Variants in FANCB observed in about 807,000 individuals in gnomAD.
The protein encoded by FANCB is FA complementation group B.
Under a neutral mutation model 38.9 loss-of-function variants are expected in FANCB, and 5 were observed. The ratio of observed to expected loss-of-function variants is 0.13; its 90% CI spans 0.07 to 0.27. FANCB has a LOEUF of 0.27. Ranked by LOEUF, FANCB falls within the 10% of genes least tolerant of loss-of-function variation. The pLI is 1.00. For missense variants in FANCB, 573 were observed against 602.7 expected, an observed-to-expected ratio of 0.95 and a Z score of 0.52; for synonymous variants, 236 against 215.4, an observed-to-expected ratio of 1.10 and a Z score of -0.84.
chrX:14,832,652 G>A (rs1438771989), downstream of FANCB, among the ~76,000 whole-genome samples: 3 of 112,042 alleles, frequency 2.7e-5, no homozygotes, highest in Non-Finnish European at 3.8e-5. Context: ...GTGAATGAAT[G>A]TGGGGCAGTA....
the FANCB span, among the ~76,000 whole-genome samples, chrX:14,744,557 AGAAT>A: frequency 8.9e-6 from 1 of 111,863 alleles, no homozygotes; most frequent in East Asian, 2.8e-4. Flanking sequence ...TTTAAAAGAG[AGAAT>A]GGCTGTAGGA....
the FANCB span, among the ~76,000 whole-genome samples, chrX:14,707,010 G>A: frequency 9.6e-6 from 1 of 104,648 alleles, no homozygotes; most frequent in African/African-American, 3.4e-5. Context: ...CTGTCTTTTA[G>A]GGCAGATTGA....
the FANCB span, among the ~76,000 whole-genome samples, chrX:14,819,286 G>A: frequency 1.8e-5 from 2 of 111,474 alleles, no homozygotes; most frequent in African/African-American, 6.5e-5. Flanking sequence ...ACAAAACAGA[G>A]CCACTCTATA....
At chrX:14,833,096 T>G (rs1018030518), downstream of FANCB, among the ~76,000 whole-genome samples, 1 of 112,310 alleles carries the variant, frequency 8.9e-6, no homozygotes, top group Admixed American at 9.4e-5. Context: ...ACCTAAATGG[T>G]AAAATGTAAA....
At chrX:14,795,179 G>A in the FANCB span, among the ~76,000 whole-genome samples, 3 of 112,020 alleles carry the variant, frequency 2.7e-5, no homozygotes, top group African/African-American at 9.7e-5. Flanking sequence ...TAGTACATTT[G>A]TTTGATCCTT....
the FANCB span, among the ~76,000 whole-genome samples, chrX:14,784,495 G>A: frequency 1.2e-3 from 133 of 111,874 alleles, no homozygotes; most frequent in Non-Finnish European, 2.2e-3. Flanking sequence ...TGAATTTCCT[G>A]CCTCCTTCTT....
the FANCB span, among the ~76,000 whole-genome samples, chrX:14,780,467 ACTAT>A: frequency 4.2e-4 from 47 of 111,296 alleles, 2 homozygotes; most frequent in African/African-American, 1.4e-3. Flanking sequence ...TTTTTAAATG[ACTAT>A]CTAAAACATT....
chrX:14,810,431 G>A, the FANCB span, among the ~76,000 whole-genome samples: 2 of 111,840 alleles, frequency 1.8e-5, no homozygotes, highest in Middle Eastern at 4.7e-3. Context: ...AAATTTAGAC[G>A]AATGTATAGC....
the FANCB span, among the ~76,000 whole-genome samples, chrX:14,770,982 G>A: frequency 1.8e-5 from 2 of 111,821 alleles, no homozygotes. Flanking sequence ...CTGGCTTGTA[G>A]GGTTTCTGCT....
At chrX:14,745,951 T>A in the FANCB span, among the ~76,000 whole-genome samples, 2 of 109,773 alleles carry the variant, frequency 1.8e-5, no homozygotes, top group Non-Finnish European at 3.8e-5. Flanking sequence ...CTGCCCACCT[T>A]GGCCTCCCAA....
chrX:14,691,322 T>C, the FANCB span, among the ~76,000 whole-genome samples: 26,012 of 81,749 alleles, frequency 0.32, 2,585 homozygotes, highest in Non-Finnish European at 0.35. Flanking sequence ...TGTGTGTGTG[T>C]GTGCGCGCGT....
chrX:14,772,647 A>T, the FANCB span, among the ~76,000 whole-genome samples: 1 of 111,743 alleles, frequency 8.9e-6, no homozygotes, highest in East Asian at 2.8e-4. Context: ...GGCTCCCTGG[A>T]TTCAGTCCCC....
chrX:14,739,731 G>A, the FANCB span, among the ~76,000 whole-genome samples: 1 of 111,609 alleles, frequency 9.0e-6, no homozygotes, highest in Non-Finnish European at 1.9e-5. Context: ...GGAAAATGAC[G>A]TTTGCTTTGT....
the FANCB span, among the ~76,000 whole-genome samples, chrX:14,754,605 TCA>T: frequency 9.0e-6 from 1 of 110,809 alleles, no homozygotes; most frequent in Non-Finnish European, 1.9e-5. Flanking sequence ...ATGGGCAATA[TCA>T]CACACACACA....
At chrX:14,832,031 C>T (rs747462411), downstream of FANCB, among the ~76,000 whole-genome samples, 8 of 111,660 alleles carry the variant, frequency 7.2e-5, no homozygotes, top group East Asian at 2.0e-3. Context: ...AATGACCTAC[C>T]CTCCTTCTTC....
At chrX:14,792,296 G>A in the FANCB span, among the ~76,000 whole-genome samples, 1 of 110,896 alleles carries the variant, frequency 9.0e-6, no homozygotes, top group Non-Finnish European at 1.9e-5. Context: ...TTTTCAAGAT[G>A]CTGAATAAAT....
intron 2 of FANCB, among the ~76,000 whole-genome samples, chrX:14,868,319 A>T (rs1453539368): frequency 1.8e-5 from 2 of 111,862 alleles, no homozygotes; most frequent in Admixed American, 1.9e-4. Flanking sequence ...TCCAACAATG[A>T]ATCAATGGAT....
At chrX:14,841,434 T>C (rs1425754811), downstream of FANCB, among the ~76,000 whole-genome samples, 1 of 112,336 alleles carries the variant, frequency 8.9e-6, no homozygotes, top group Non-Finnish European at 1.9e-5. Context: ...AGATGTATGT[T>C]AATAACACCT....
At chrX:14,721,523 A>G in the FANCB span, among the ~76,000 whole-genome samples, 13 of 111,411 alleles carry the variant, frequency 1.2e-4, no homozygotes, top group South Asian at 3.8e-4. Context: ...GTAGAAGCTT[A>G]TTGTTTAGAG....
Sources: allele counts gnomAD v4.1 joint callset (sites outside exome capture counted in the v4.1 genomes callset), GRCh38; gene constraint gnomAD v4.1.1; transcripts MANE v1.5; gene names NCBI Gene and HGNC (gene_info 2026-07-23, HGNC 2026-07-21).